Variants in FBXO34 observed in about 807,000 individuals in gnomAD.
The protein encoded by FBXO34 is F-box only protein 34.
Under a neutral mutation model 24.5 loss-of-function variants are expected in FBXO34, and 12 were observed. That is an observed-to-expected ratio of 0.49 (90% CI 0.31 to 0.79). The LOEUF is 0.79. Among genes scored for constraint, FBXO34 ranks in the 30% least tolerant of loss-of-function variants. The pLI is 0.04. For missense variants in FBXO34, 823 were observed against 857.7 expected, an observed-to-expected ratio of 0.96 and a Z score of 0.51; for synonymous variants, 320 against 311.9, an observed-to-expected ratio of 1.03 and a Z score of -0.27.
At chr14:55,385,035 G>A in the FBXO34 span, among the ~76,000 whole-genome samples, 14 of 152,286 alleles carry the variant, frequency 9.2e-5, no homozygotes, top group East Asian at 2.5e-3. Flanking sequence ...CCGAAGTCAC[G>A]GTATTCAGTG....
the FBXO34 span, among the ~76,000 whole-genome samples, chr14:55,379,554 A>T: frequency 6.6e-6 from 1 of 152,168 alleles, no homozygotes; most frequent in Non-Finnish European, 1.5e-5. Context: ...TAAGAAAAAG[A>T]AGAAAGTAAA....
At chr14:55,281,985 A>G (rs67822108) in intron 1 of FBXO34, among the ~76,000 whole-genome samples, 39,281 of 128,922 alleles carry the variant, frequency 0.3, 5,905 homozygotes, top group Non-Finnish European at 0.34. Flanking sequence ...TCATTTTTAA[A>G]TTTAGCTTTT....
At chr14:55,385,921 T>C in the FBXO34 span, 1 of 1,614,198 alleles carries the variant, frequency 6.2e-7, no homozygotes, top group African/African-American at 1.3e-5. Flanking sequence ...ATATATGGGA[T>C]CGTCGAAGAT....
At chr14:55,390,451 G>A in the FBXO34 span, among the ~76,000 whole-genome samples, 1 of 151,880 alleles carries the variant, frequency 6.6e-6, no homozygotes, top group Non-Finnish European at 1.5e-5. Context: ...TCAGCTCACT[G>A]CAAGCTCTGC....
chr14:55,418,174 T>G, the FBXO34 span, among the ~76,000 whole-genome samples: 1 of 152,216 alleles, frequency 6.6e-6, no homozygotes, highest in African/African-American at 2.4e-5. Context: ...TGTAATTTAT[T>G]TATGTCTGTC....
At chr14:55,304,272 G>A (rs947427138) in intron 1 of FBXO34, among the ~76,000 whole-genome samples, 2 of 152,120 alleles carry the variant, frequency 1.3e-5, no homozygotes, top group Non-Finnish European at 2.9e-5. Context: ...ATTATTTTCA[G>A]TACTTGAAAC....
chr14:55,397,254 G>A, the FBXO34 span: 4 of 884,678 alleles, frequency 4.5e-6, no homozygotes, highest in South Asian at 4.3e-5. Context: ...CACTTTAAGA[G>A]GTTGTATCCT....
intron 1 of FBXO34, among the ~76,000 whole-genome samples, chr14:55,314,782 T>C (rs749141726): frequency 5.9e-5 from 9 of 152,250 alleles, no homozygotes; most frequent in Non-Finnish European, 2.9e-5. Context: ...TCCTTTTATA[T>C]TGTGTTTTTC....
the FBXO34 span, among the ~76,000 whole-genome samples, chr14:55,389,069 T>G: frequency 1.7e-4 from 26 of 152,348 alleles, no homozygotes; most frequent in Admixed American, 5.2e-4. Flanking sequence ...ACCAGGTGAC[T>G]GATGATTTGC....
At chr14:55,304,754 C>T (rs1882481976) in intron 1 of FBXO34, among the ~76,000 whole-genome samples, 1 of 152,182 alleles carries the variant, frequency 6.6e-6, no homozygotes, top group Non-Finnish European at 1.5e-5. Flanking sequence ...CCCGCCTCAG[C>T]CTCCCAAAGT....
chr14:55,402,621 G>C, the FBXO34 span, among the ~76,000 whole-genome samples: 1 of 151,690 alleles, frequency 6.6e-6, no homozygotes, highest in Non-Finnish European at 1.5e-5. Flanking sequence ...AATCATACAA[G>C]AGTATGATTT....
the FBXO34 span, among the ~76,000 whole-genome samples, chr14:55,442,322 G>A: frequency 0.52 from 78,564 of 150,442 alleles, 20,657 homozygotes; most frequent in East Asian, 0.65. Flanking sequence ...CTGGGAGGCC[G>A]AGGTTGCAAT....
downstream of FBXO34, chr14:55,366,548 T>C (rs971874678): frequency 6.6e-6 from 1 of 152,562 alleles, no homozygotes; most frequent in Non-Finnish European, 1.5e-5. Flanking sequence ...TGCCACTGAA[T>C]GCTCTTCCCC....
intron 1 of FBXO34, among the ~76,000 whole-genome samples, chr14:55,305,665 C>CAAA (rs911131291): frequency 1.3e-5 from 1 of 77,030 alleles, no homozygotes; most frequent in Admixed American, 1.5e-4. Context: ...CTGCACTCCT[C>CAAA]AAAAAAAAAA....
the FBXO34 span, chr14:55,395,319 C>T: frequency 7.6e-6 from 2 of 263,046 alleles, no homozygotes; most frequent in Non-Finnish European, 1.5e-5. Context: ...CTGGCTGCTG[C>T]CACGCCTCTC....
At chr14:55,391,067 G>A in the FBXO34 span, 1 of 966,324 alleles carries the variant, frequency 1.0e-6, no homozygotes, top group African/African-American at 1.7e-5. Flanking sequence ...TGGGATCACT[G>A]CTTATTTTCA....
At chr14:55,307,251 T>G (rs1025227862) in intron 1 of FBXO34, among the ~76,000 whole-genome samples, 6 of 152,244 alleles carry the variant, frequency 3.9e-5, no homozygotes, top group African/African-American at 1.2e-4. Context: ...TTTGTACTAC[T>G]AGCCTTTTGT....
intron 1 of FBXO34, among the ~76,000 whole-genome samples, chr14:55,288,086 A>G (rs1881821962): frequency 6.6e-6 from 1 of 152,192 alleles, no homozygotes; most frequent in Non-Finnish European, 1.5e-5. Context: ...GCTATCAGCC[A>G]GGAGGTATAA....
At chr14:55,307,838 A>G (rs1882605219) in intron 1 of FBXO34, among the ~76,000 whole-genome samples, 1 of 152,226 alleles carries the variant, frequency 6.6e-6, no homozygotes. Context: ...TCATGCTCTC[A>G]TATGACTGTT....
Sources: gnomAD v4.1 joint callset for allele counts (sites outside exome capture counted in the v4.1 genomes callset) on GRCh38, gnomAD v4.1.1 for gene constraint, MANE v1.5 for transcripts, NCBI Gene and HGNC (gene_info 2026-07-23, HGNC 2026-07-21) for gene names.